GRM8: variants seen among roughly 807,000 people sequenced by gnomAD.
The protein encoded by GRM8 is glutamate metabotropic receptor 8.
Under a neutral mutation model 87.2 loss-of-function variants are expected in GRM8, and 47 were observed. The ratio of observed to expected loss-of-function variants is 0.54; its 90% CI spans 0.43 to 0.69. The LOEUF (loss-of-function observed/expected upper bound fraction) is 0.69. Ranked by LOEUF, GRM8 falls within the 30% of genes least tolerant of loss-of-function variation. The pLI is 0.00. For missense variants in GRM8, 1,019 were observed against 1,139.2 expected, an observed-to-expected ratio of 0.89 and a Z score of 1.52; for synonymous variants, 396 against 404.5, an observed-to-expected ratio of 0.98 and a Z score of 0.25.
intron 3 of GRM8, among the ~76,000 whole-genome samples, chr7:127,080,455 ACATCCCC>A (rs1225568329): frequency 6.6e-6 from 1 of 152,196 alleles, no homozygotes; most frequent in Non-Finnish European, 1.5e-5. Flanking sequence ...GGAAACTAGC[ACATCCCC>A]CATCCCCAAG....
intron 3 of GRM8, among the ~76,000 whole-genome samples, chr7:127,015,032 A>T (rs2132142106): frequency 8.2e-6 from 1 of 122,394 alleles, no homozygotes; most frequent in African/African-American, 2.9e-5. Flanking sequence ...GAAGAAGAAG[A>T]AGAAGAAGAA....
At chr7:126,741,218 G>A (rs1455121192) in intron 7 of GRM8, among the ~76,000 whole-genome samples, 5 of 151,636 alleles carry the variant, frequency 3.3e-5, no homozygotes, top group Non-Finnish European at 5.9e-5. Flanking sequence ...TCAGAATTCC[G>A]TAAATCTGTG....
chr7:126,465,841 T>C (rs1191295633), intron 9 of GRM8, among the ~76,000 whole-genome samples: 1 of 151,906 alleles, frequency 6.6e-6, no homozygotes, highest in Non-Finnish European at 1.5e-5. Context: ...CAATATTGAA[T>C]AACAGAAATT....
intron 9 of GRM8, among the ~76,000 whole-genome samples, chr7:126,504,996 A>G (rs532322003): frequency 6.6e-6 from 1 of 152,174 alleles, no homozygotes; most frequent in South Asian, 2.1e-4. Flanking sequence ...TCATTCCAAG[A>G]AGGAAAAATG....
chr7:126,879,119 C>A (rs1005187924), intron 6 of GRM8, among the ~76,000 whole-genome samples: 1 of 142,442 alleles, frequency 7.0e-6, no homozygotes, highest in Non-Finnish European at 1.5e-5. Flanking sequence ...GCCAAGACGG[C>A]GCCATTGCAC....
intron 3 of GRM8, among the ~76,000 whole-genome samples, chr7:126,932,710 T>C (rs1586505962): frequency 1.3e-5 from 2 of 152,104 alleles, no homozygotes; most frequent in East Asian, 3.8e-4. Flanking sequence ...CTTGGAGAGG[T>C]TCAGGTCTTA....
At chr7:126,499,419 A>C (rs1809297932) in intron 9 of GRM8, among the ~76,000 whole-genome samples, 1 of 151,780 alleles carries the variant, frequency 6.6e-6, no homozygotes, top group Non-Finnish European at 1.5e-5. Flanking sequence ...CCTCCAAAAA[A>C]AAAAAAACTA....
chr7:126,875,652 A>C (rs142127662), intron 6 of GRM8, among the ~76,000 whole-genome samples: 1,870 of 152,240 alleles, frequency 0.012, 42 homozygotes, highest in African/African-American at 0.043. Flanking sequence ...ACTATCGTCT[A>C]ATTATGTCAT....
At chr7:126,439,953 T>C (rs1801269323) in intron 10 of GRM8, among the ~76,000 whole-genome samples, 1 of 151,972 alleles carries the variant, frequency 6.6e-6, no homozygotes, top group Non-Finnish European at 1.5e-5. Flanking sequence ...AAATATTTTT[T>C]ATAGCTGGAC....
At chr7:127,233,340 A>T (rs1396020701) in intron 2 of GRM8, among the ~76,000 whole-genome samples, 1 of 152,200 alleles carries the variant, frequency 6.6e-6, no homozygotes, top group Non-Finnish European at 1.5e-5. Context: ...TAATTTGAAC[A>T]GACATCTCCT....
chr7:126,774,131 T>A (rs1819161602), intron 6 of GRM8, among the ~76,000 whole-genome samples: 1 of 152,168 alleles, frequency 6.6e-6, no homozygotes, highest in Non-Finnish European at 1.5e-5. Flanking sequence ...ACTGAAAGAC[T>A]GAATACTATT....
chr7:126,594,304 T>C (rs939372043), intron 8 of GRM8, among the ~76,000 whole-genome samples: 1 of 152,062 alleles, frequency 6.6e-6, no homozygotes, highest in Non-Finnish European at 1.5e-5. Context: ...CATTGTAGCA[T>C]TATTCATGAT....
intron 7 of GRM8, among the ~76,000 whole-genome samples, chr7:126,733,145 C>CT (rs1259123843): frequency 6.6e-6 from 1 of 151,884 alleles, no homozygotes; most frequent in Non-Finnish European, 1.5e-5. Flanking sequence ...TTAGTCATCA[C>CT]TTTTTTTTCT....
chr7:127,110,515 A>G (rs1202178976), intron 2 of GRM8, among the ~76,000 whole-genome samples: 1 of 152,220 alleles, frequency 6.6e-6, no homozygotes, highest in Non-Finnish European at 1.5e-5. Flanking sequence ...ACTTCATAAA[A>G]ATATCATATG....
chr7:126,897,879 A>G, intron 6 of GRM8, among the ~76,000 whole-genome samples: 1 of 152,106 alleles, frequency 6.6e-6, no homozygotes, highest in East Asian at 1.9e-4. Flanking sequence ...ATCTCAGAAA[A>G]CTGTTTCTAC....
chr7:126,500,835 T>G (rs1809531110), intron 9 of GRM8, among the ~76,000 whole-genome samples: 1 of 151,796 alleles, frequency 6.6e-6, no homozygotes, highest in African/African-American at 2.4e-5. Flanking sequence ...CAAAAGGGGG[T>G]TTGACTTTTT....
chr7:126,621,274 A>G (rs367805195), intron 7 of GRM8, among the ~76,000 whole-genome samples: 103 of 152,316 alleles, frequency 6.8e-4, no homozygotes, highest in African/African-American at 2.4e-3. Context: ...AGTTCTCTGA[A>G]GCCTTTAGCA....
chr7:126,830,214 G>A (rs1451891697), intron 6 of GRM8, among the ~76,000 whole-genome samples: 1 of 151,994 alleles, frequency 6.6e-6, no homozygotes, highest in Admixed American at 6.6e-5. Context: ...TATCTTTGTG[G>A]CATTCTCTGT....
chr7:127,147,642 C>T (rs569842979), intron 2 of GRM8, among the ~76,000 whole-genome samples: 9 of 152,028 alleles, frequency 5.9e-5, no homozygotes, highest in Non-Finnish European at 1.2e-4. Context: ...ATCTTTCAAG[C>T]TGGGTTCAAA....
Sources: gnomAD v4.1 joint callset for allele counts (sites outside exome capture counted in the v4.1 genomes callset) on GRCh38, gnomAD v4.1.1 for gene constraint, MANE v1.5 for transcripts, NCBI Gene and HGNC (gene_info 2026-07-23, HGNC 2026-07-21) for gene names.